The following ABCA6 variants were observed in gnomAD, a reference collection of about 807,000 sequenced individuals.
ABCA6 encodes ATP binding cassette subfamily A member 6.
ABCA6 carries 164 observed loss-of-function variants against 191.2 expected under a neutral mutation model. The ratio of observed to expected loss-of-function variants is 0.86; its 90% CI spans 0.76 to 0.98. The LOEUF (loss-of-function observed/expected upper bound fraction) is 0.98. Among genes scored for constraint, ABCA6 ranks in the 50% least tolerant of loss-of-function variants. The pLI is 0.00. For missense variants in ABCA6, 1,958 were observed against 1,894.1 expected, an observed-to-expected ratio of 1.03 and a Z score of -0.63; for synonymous variants, 636 against 647.7, an observed-to-expected ratio of 0.98 and a Z score of 0.27.
rs373234211 is a variant in ABCA6 at position 69,124,885 on chromosome 17, T to C, written c.1267+3A>G. On this transcript the variant is annotated splice_donor_region_variant and intron_variant, in intron 9 of 38. Transcript: ENST00000284425. ...GGACAGAGAAAAACTCACTATTACTTACAGGGTAAAATTTTGTCAAAGTAT... is the reference window on the plus strand; with the variant it reads ...GGACAGAGAAAAACTCACTATTACTCACAGGGTAAAATTTTGTCAAAGTAT... 3.0e-5 allele frequency: 47 copies of C among 1,550,456 alleles called. No homozygotes were observed. In the African/African-American group the frequency reaches 5.1e-4, roughly 17 times the overall value.
intron 16 of ABCA6, 53 bp from the exon 17 acceptor site, chr17:69,110,993 A>C: frequency 2.0e-5 from 30 of 1,514,910 alleles, no homozygotes; most frequent in Non-Finnish European, 2.7e-5. Context: ...CCACTATCAC[A>C]AAAGAAGAGC....
chr17:69,084,012 T>C (rs958164333), intron 34 of ABCA6, among the ~76,000 whole-genome samples: 10 of 152,228 alleles, frequency 6.6e-5, no homozygotes, highest in African/African-American at 2.4e-4. Context: ...AAAATATTTT[T>C]GTATTTTAAC....
intron 3 of ABCA6, 29 bp downstream of exon 3, chr17:69,137,267 A>G (rs2073964316): frequency 6.3e-7 from 1 of 1,591,762 alleles, no homozygotes; most frequent in African/African-American, 1.3e-5. Flanking sequence ...ATCTATCAGT[A>G]ACTCTTTTTT....
intron 10 of ABCA6, 48 bp from the exon 11 acceptor site, chr17:69,118,004 T>C (rs2073568714): frequency 7.3e-7 from 1 of 1,361,510 alleles, no homozygotes; most frequent in East Asian, 2.4e-5. Flanking sequence ...GAAGTGAAAA[T>C]AGCACGGGCC....
chr17:69,133,573 A>G (rs539770398), intron 6 of ABCA6, 68 bp downstream of exon 6: 14 of 1,192,038 alleles, frequency 1.2e-5, no homozygotes, highest in Non-Finnish European at 1.4e-5. Flanking sequence ...CTCTGAAACA[A>G]TAACACTTTT....
rs111425156 is a variant in ABCA6 at position 69,125,091 on chromosome 17, A to G, written c.1120-56T>C. 118 of 985,380 alleles carry G rather than the reference A, an allele frequency of 1.2e-4. No homozygotes were observed. The African/African-American group carries it at 1.5e-3, about 12-fold the overall frequency. 61.0% of individuals were successfully genotyped at this position (985,380 alleles called of 1,614,324 possible). A position where few individuals can be genotyped will look rare whatever the true frequency, so the allele number is the denominator to read the frequency against. On this transcript the variant is annotated intron_variant, in intron 8 of 38. Transcript: ENST00000284425. ...AAAATAAATAAATAAATAGCTTGGC[A>G]TAGCAGGAAAAAGTATTAATTTATT...
In ABCA6 at chr17:69,113,655, T is replaced by C. The variant is rs766309212; in HGVS notation, c.1865A>G (p.Lys622Arg). The C allele has an allele frequency of 3.7e-5, 59 of 1,612,984 alleles. No homozygotes were observed. Among genetic ancestry groups the C allele is most frequent in the Non-Finnish European group, 4.8e-5 (57 of 1,179,388 alleles). The change falls in exon 14 of 39, where the codon AAG (lysine) becomes AGG (arginine). Residue 622 changes from lysine to arginine, a missense_variant. Transcript: ENST00000284425. ...AKHLSEGQKR[K>R]LTFGITILGD... ...TAAAATGGTAATCCCAAAAGTCAGC[T>C]TTCTTTTCTGTCCTTCACTTAAATG...
chr17:69,104,669 A>C (rs1157977560), intron 20 of ABCA6: 1 of 150,526 alleles, frequency 6.6e-6, no homozygotes, highest in Non-Finnish European at 1.5e-5. Flanking sequence ...AAAAACAAAA[A>C]AACAAAAAAA....
Position 69,105,624 on chromosome 17 carries a change from A to G in ABCA6, c.2578T>C (p.Leu860=), listed in dbSNP as rs758297218. The part of the protein sequence containing the change: ...RQTKVLLTLL[L]VFGIAIFPLI... ...GGGAATATTGCGATTCCAAATACCA[A>G]TAATCTAAACAATAAAGAAAAATTA... The change falls in exon 20 of 39, where the codon TTG becomes CTG. Residue 860 remains leucine (L), a synonymous_variant. Coordinates refer to ENST00000284425, the MANE Select transcript of ABCA6 (RefSeq NM_080284.3). The G allele has an allele frequency of 9.5e-6, 14 of 1,479,448 alleles. No individual in the cohort carries two copies. Among genetic ancestry groups the G allele is most frequent in the Middle Eastern group, 2.4e-4 (1 of 4,144 alleles). The allele number at this position is 1,479,448 out of a possible 1,614,324, so 91.6% of individuals were successfully genotyped here.
chr17:69,133,777 G>C lies in ABCA6; in HGVS notation c.655C>G (p.His219Asp). 6.2e-7 allele frequency: 1 copy of C among 1,612,110 alleles called. No homozygotes were observed. The change falls in exon 6 of 39, where the codon CAC (histidine) becomes GAC (aspartate). Residue 219 changes from histidine to aspartate, a missense_variant. Transcript: ENST00000284425. ...TLPFITKNLL[H>D]NEMFILFFLL... Reference sequence around the variant, plus strand: ...AAGAATAAAATAAACATCTCATTGTGAAGAAGATTTTTAGTTATGAAAGGT... The same window carrying C: ...AAGAATAAAATAAACATCTCATTGTCAAGAAGATTTTTAGTTATGAAAGGT...
rs1207262651 is a variant in ABCA6 at position 69,113,335 on chromosome 17, G to C, written c.1928C>G (p.Thr643Ser). 2 of 1,592,168 alleles carry C rather than the reference G, an allele frequency of 1.3e-6. No individual in the cohort carries two copies. Among genetic ancestry groups the C allele is most frequent in the East Asian group, 4.5e-5 (2 of 44,530 alleles). ...ATCTCTGGAAAAGGGATCCAATCCA[G>C]TAGTTGGTTCATCTAAAAGCAAAAT... is the stretch of plus-strand genomic sequence containing the variant. The part of the protein sequence containing the change: ...PQILLLDEPT[T>S]GLDPFSRDQV... Residue 643 changes from threonine to serine, a missense_variant, in exon 15 of 39, where the codon ACT (threonine) becomes AGT (serine). Physicochemically the swap from Thr to Ser is moderately conservative, Grantham distance 58. Transcript: ENST00000284425.
chr17:69,088,042 C>T lies in ABCA6; in HGVS notation c.3698+125G>A, dbSNP rs567315527. ...TGGCAGTAAGGCAGCAATCCACATT[C>T]CCTAATGACAATCAACATGTGCTTC... is the stretch of plus-strand genomic sequence containing the variant. On this transcript the variant is annotated intron_variant, in intron 28 of 38. Coordinates refer to ENST00000284425, the MANE Select transcript of ABCA6 (RefSeq NM_080284.3). The T allele has an allele frequency of 1.4e-4, 122 of 850,188 alleles. 1 individual carries two copies. The South Asian group carries it at 1.6e-3, about 11-fold the overall frequency. The allele number at this position is 850,188 out of a possible 1,614,324, so 52.7% of individuals were successfully genotyped here. A position where few individuals can be genotyped will look rare whatever the true frequency, so the allele number is the denominator to read the frequency against.
chr17:69,084,982 G>A (rs2072741774), intron 32 of ABCA6, 46 bp downstream of exon 32: 2 of 1,559,312 alleles, frequency 1.3e-6, no homozygotes, highest in Non-Finnish European at 1.7e-6. Context: ...CAGTGCTACA[G>A]TCTCCCTGCA....
At chr17:69,101,189 A>G (rs896029545) in intron 21 of ABCA6, among the ~76,000 whole-genome samples, 7 of 152,164 alleles carry the variant, frequency 4.6e-5, no homozygotes, top group Admixed American at 3.9e-4. Context: ...ATGAATTTTT[A>G]TTTGTATTAC....
At chr17:69,102,516 A>G (rs1164672338) in intron 21 of ABCA6, among the ~76,000 whole-genome samples, 1 of 152,188 alleles carries the variant, frequency 6.6e-6, no homozygotes, top group East Asian at 1.9e-4. Flanking sequence ...AACTTTATTC[A>G]GGTAGTTAGC....
intron 8 of ABCA6, among the ~76,000 whole-genome samples, chr17:69,125,707 T>C (rs779254041): frequency 8.5e-5 from 13 of 152,140 alleles, no homozygotes; most frequent in Admixed American, 2.0e-4. Context: ...CTCTACAGCT[T>C]CTCAGTCTAT....
At chr17:69,092,596 C>G (rs148260674) in intron 25 of ABCA6, among the ~76,000 whole-genome samples, 36 of 152,288 alleles carry the variant, frequency 2.4e-4, no homozygotes, top group Non-Finnish European at 4.1e-4. Flanking sequence ...ACTTCCTTAT[C>G]AGGCAGGGGT....
chr17:69,136,246 T>C lies in ABCA6; in HGVS notation c.306A>G (p.Thr102=), dbSNP rs1438251216. 1.3e-6 allele frequency: 2 copies of C among 1,540,718 alleles called. No individual in the cohort carries two copies. Among genetic ancestry groups the C allele is most frequent in the Non-Finnish European group, 1.7e-6 (2 of 1,145,174 alleles). Residue 102 remains threonine, a synonymous_variant, in exon 4 of 39, where the codon ACA becomes ACG. Transcript: ENST00000284425. The stretch of plus-strand genomic sequence containing the variant: ...TTTTATTTGGTGCCCCAATGACACT[T>C]GTTCCTGTGAATTACAAGGTAAAAA... ...KTALAPLLKG[T]SVIGAPNKTH...
At chr17:69,129,255 T>A (rs958179515) in intron 7 of ABCA6, among the ~76,000 whole-genome samples, 1 of 152,092 alleles carries the variant, frequency 6.6e-6, no homozygotes, top group Non-Finnish European at 1.5e-5. Flanking sequence ...GATATTGTGA[T>A]CAGCTACCAT....
Sources: gnomAD v4.1 joint callset for allele counts (sites outside exome capture counted in the v4.1 genomes callset) on GRCh38, gnomAD v4.1.1 for gene constraint, MANE v1.5 for transcripts, NCBI Gene and HGNC (gene_info 2026-07-23, HGNC 2026-07-21) for gene names.